The following CCDC85A variants were observed in gnomAD, a reference collection of about 807,000 sequenced individuals.
The protein encoded by CCDC85A is coiled-coil domain containing 85A.
Under a neutral mutation model 50.2 loss-of-function variants are expected in CCDC85A, and 38 were observed. That is an observed-to-expected ratio of 0.76 (90% CI 0.58 to 0.99). CCDC85A has a LOEUF of 0.99. Among genes scored for constraint, CCDC85A ranks in the 50% least tolerant of loss-of-function variants. The probability of loss-of-function intolerance (pLI) is 0.00; values close to 1 mark genes in which losing one functional copy is unlikely to be tolerated. For missense variants in CCDC85A, 820 were observed against 742.0 expected, an observed-to-expected ratio of 1.11 and a Z score of -1.22; for synonymous variants, 366 against 301.4, an observed-to-expected ratio of 1.21 and a Z score of -2.22.
At chr2:56,190,028 A>G (rs1676231992) in intron 1 of CCDC85A, among the ~76,000 whole-genome samples, 1 of 152,276 alleles carries the variant, frequency 6.6e-6, no homozygotes, top group South Asian at 2.1e-4. Flanking sequence ...ACTAAGCTGC[A>G]TAAGCTTCTT....
intron 2 of CCDC85A, among the ~76,000 whole-genome samples, chr2:56,213,953 T>C (rs967017734): frequency 1.3e-5 from 2 of 151,864 alleles, no homozygotes; most frequent in African/African-American, 4.8e-5. Flanking sequence ...AACAGCACGA[T>C]ATGACAGGTG....
intron 1 of CCDC85A, among the ~76,000 whole-genome samples, chr2:56,188,140 G>T: frequency 6.6e-6 from 1 of 152,144 alleles, no homozygotes; most frequent in East Asian, 1.9e-4. Context: ...TCTGGTGGCC[G>T]GTGGCAATGT....
intron 2 of CCDC85A, among the ~76,000 whole-genome samples, chr2:56,238,365 C>G (rs938000205): frequency 1.5e-4 from 22 of 149,952 alleles, no homozygotes; most frequent in Middle Eastern, 3.2e-3. Context: ...TGCAGTGATC[C>G]AAGATTGCAG....
chr2:56,267,319 A>C (rs1284327187), intron 2 of CCDC85A, among the ~76,000 whole-genome samples: 1 of 152,138 alleles, frequency 6.6e-6, no homozygotes, highest in Non-Finnish European at 1.5e-5. Context: ...CAGTACTGCT[A>C]TTTCTGATCC....
At chr2:56,256,047 A>C (rs1558608782) in intron 2 of CCDC85A, among the ~76,000 whole-genome samples, 2 of 152,180 alleles carry the variant, frequency 1.3e-5, no homozygotes, top group African/African-American at 4.8e-5. Flanking sequence ...GATCCTTAGA[A>C]GTTAACTGCT....
chr2:56,192,147 A>T lies in CCDC85A; in HGVS notation c.277-330A>T, dbSNP rs975917035. The stretch of plus-strand genomic sequence containing the variant: ...TAAATGTTTGGGTAAAAATTGGATG[A>T]CATAATGCAAGTAAAGTATTGTGCA... On this transcript the variant is annotated intron_variant, in intron 1 of 5. Coordinates refer to ENST00000407595, the MANE Select transcript of CCDC85A (RefSeq NM_001080433.2). This position sits in a 1 kb window ranked among gnomAD's most constrained non-coding sequence, Gnocchi z 4.7. Among the ~76,000 whole-genome samples, 2 of 152,172 alleles carry T rather than the reference A, an allele frequency of 1.3e-5. No individual in the cohort carries two copies. Among genetic ancestry groups the T allele is most frequent in the African/African-American group, 4.8e-5 (2 of 41,438 alleles).
chr2:56,360,009 CACTT>C (rs1247430985), intron 3 of CCDC85A, among the ~76,000 whole-genome samples: 2 of 152,150 alleles, frequency 1.3e-5, no homozygotes, highest in Non-Finnish European at 2.9e-5. Flanking sequence ...GAAGAATCCT[CACTT>C]ACTTGTCTTT....
At chr2:56,376,689 A>G (rs1004005724) in intron 5 of CCDC85A, among the ~76,000 whole-genome samples, 1 of 152,242 alleles carries the variant, frequency 6.6e-6, no homozygotes, top group African/African-American at 2.4e-5. Flanking sequence ...AACACAGGTG[A>G]TAAAAATCAT....
intron 2 of CCDC85A, among the ~76,000 whole-genome samples, chr2:56,313,952 A>G (rs1672807533): frequency 6.6e-6 from 1 of 151,888 alleles, no homozygotes; most frequent in South Asian, 2.1e-4. Flanking sequence ...TGTTGTAAGC[A>G]GGTAATAAGC....
chr2:56,384,437 A>T lies in CCDC85A; in HGVS notation c.*82A>T, dbSNP rs1252816557. 8.8e-7 allele frequency: 1 copy of T among 1,141,422 alleles called. No individual in the cohort carries two copies. The highest frequency in any genetic ancestry group is 1.3e-6 in the Non-Finnish European group (1 of 763,210). 70.7% of individuals were successfully genotyped at this position (1,141,422 alleles called of 1,614,324 possible). A position where few individuals can be genotyped will look rare whatever the true frequency, so the allele number is the denominator to read the frequency against. On this transcript the variant is annotated 3_prime_UTR_variant, in exon 6 of 6. Coordinates refer to ENST00000407595, the MANE Select transcript of CCDC85A (RefSeq NM_001080433.2). ...AAGAAAAAGGAAAGAGTGGGTTTCC[A>T]CAAACCTGGACTCATGGAATAACAT...
Position 56,374,309 on chromosome 2 carries a change from G to A in CCDC85A, c.1453-1507G>A, listed in dbSNP as rs145000811. ...AATGTGGCCTCAGTAGGCTAGTGAG[G>A]TGGCAGGGGGAGCCTTTGAGGACAT... On this transcript the variant is annotated intron_variant, in intron 4 of 5. Transcript: ENST00000407595. Among the ~76,000 whole-genome samples, 506 of 152,296 alleles carry A rather than the reference G, an allele frequency of 3.3e-3. 2 individuals are homozygous for A. The highest frequency in any genetic ancestry group is 0.011 in the African/African-American group (463 of 41,570).
intron 2 of CCDC85A, among the ~76,000 whole-genome samples, chr2:56,250,687 A>G (rs1669714642): frequency 6.6e-6 from 1 of 152,192 alleles, no homozygotes; most frequent in Admixed American, 6.5e-5. Flanking sequence ...TCAAATTGCT[A>G]ATGTGTGCTT....
intron 2 of CCDC85A, among the ~76,000 whole-genome samples, chr2:56,294,537 T>G (rs907710888): frequency 6.6e-6 from 1 of 152,218 alleles, no homozygotes; most frequent in Admixed American, 6.5e-5. Flanking sequence ...CTGACCTTGA[T>G]CTAGGAATGG....
At chr2:56,251,104 C>T (rs1250371127) in intron 2 of CCDC85A, among the ~76,000 whole-genome samples, 2 of 152,170 alleles carry the variant, frequency 1.3e-5, no homozygotes, top group Non-Finnish European at 2.9e-5. Context: ...TCTTTCCTCC[C>T]CCAGAGGTAT....
chr2:56,226,641 T>C (rs1337976180), intron 2 of CCDC85A, among the ~76,000 whole-genome samples: 1 of 152,140 alleles, frequency 6.6e-6, no homozygotes, highest in Non-Finnish European at 1.5e-5. Flanking sequence ...CTTGGTATTA[T>C]GAATTTCATC....
chr2:56,270,974 A>G (rs1177861391), intron 2 of CCDC85A, among the ~76,000 whole-genome samples: 1 of 152,162 alleles, frequency 6.6e-6, no homozygotes, highest in East Asian at 1.9e-4. Flanking sequence ...ATCAAATCCT[A>G]ACAACTTTTG....
chr2:56,297,401 T>C (rs990416410), intron 2 of CCDC85A, among the ~76,000 whole-genome samples: 1 of 152,066 alleles, frequency 6.6e-6, no homozygotes, highest in African/African-American at 2.4e-5. Flanking sequence ...GCCTTTTTTT[T>C]TTTTTTTAAT....
chr2:56,323,206 A>G (rs953728122), intron 2 of CCDC85A, among the ~76,000 whole-genome samples: 1 of 152,164 alleles, frequency 6.6e-6, no homozygotes, highest in African/African-American at 2.4e-5. Flanking sequence ...TGATGAGTTA[A>G]TGGGTGCAGC....
intron 3 of CCDC85A, among the ~76,000 whole-genome samples, chr2:56,361,313 G>T (rs1675516135): frequency 6.6e-6 from 1 of 151,956 alleles, no homozygotes; most frequent in Non-Finnish European, 1.5e-5. Context: ...CTGATGGCTA[G>T]CATTGGCCAT....
Sources: gnomAD v4.1 joint callset for allele counts (sites outside exome capture counted in the v4.1 genomes callset) on GRCh38, gnomAD v4.1.1 for gene constraint, Gnocchi (gnomAD v3.1) non-coding constraint, MANE v1.5 for transcripts, NCBI Gene and HGNC (gene_info 2026-07-23, HGNC 2026-07-21) for gene names.